THSD7B: variants seen among roughly 807,000 people sequenced by gnomAD.
The protein encoded by THSD7B is thrombospondin type-1 domain-containing protein 7B.
A neutral mutation model predicts 213.6 loss-of-function variants in THSD7B; 138 were observed. The observed-to-expected ratio is 0.65, with a 90% CI of 0.56 to 0.74. The LOEUF is 0.74. Among genes scored for constraint, THSD7B ranks in the 30% least tolerant of loss-of-function variants. The pLI is 0.00. For missense variants in THSD7B, 1,931 were observed against 1,991.5 expected, an observed-to-expected ratio of 0.97 and a Z score of 0.58; for synonymous variants, 742 against 687.0, an observed-to-expected ratio of 1.08 and a Z score of -1.25.
intron 12 of THSD7B, among the ~76,000 whole-genome samples, chr2:137,280,647 C>T (rs1381120816): frequency 2.0e-5 from 3 of 152,126 alleles, no homozygotes; most frequent in African/African-American, 7.2e-5. Context: ...TTGTCTCATA[C>T]TTCAAGGAGA....
chr2:137,170,578 A>G (rs186792004), intron 6 of THSD7B, among the ~76,000 whole-genome samples, 163 bp from the exon 7 acceptor site: 4 of 151,968 alleles, frequency 2.6e-5, no homozygotes, highest in South Asian at 2.1e-4. Flanking sequence ...TTTTTTTTCT[A>G]CATCTCATCC....
rs557504888 is a variant in THSD7B, at chr2:137,086,093, T to C, written c.951-8780T>C. 1.4e-3 allele frequency among the ~76,000 whole-genome samples: 214 copies of C among 152,262 alleles called. 1 individual carries two copies. The highest frequency in any genetic ancestry group is 5.0e-3 in the African/African-American group (209 of 41,550). On this transcript the variant is annotated intron_variant, in intron 3 of 27. Transcript: ENST00000409968. ...TGGGTGCGGTGGCTTATGCCTGTAA[T>C]CCCAGCACTTTGGGAGGCCAAGGTG...
At chr2:137,286,399 A>C (rs747359770) in intron 12 of THSD7B, among the ~76,000 whole-genome samples, 1 of 152,182 alleles carries the variant, frequency 6.6e-6, no homozygotes, top group Non-Finnish European at 1.5e-5. Flanking sequence ...ATTATAGTCT[A>C]TCAAATGTCA....
chr2:137,548,205 T>C (rs1680777998), intron 15 of THSD7B, among the ~76,000 whole-genome samples: 1 of 152,038 alleles, frequency 6.6e-6, no homozygotes, highest in Non-Finnish European at 1.5e-5. Flanking sequence ...CCTTGTCTTT[T>C]TCCTCACAAC....
intron 2 of THSD7B, among the ~76,000 whole-genome samples, chr2:136,946,760 A>C (rs1231087414): frequency 6.6e-6 from 1 of 152,220 alleles, no homozygotes; most frequent in Admixed American, 6.5e-5. Flanking sequence ...AGCAGTGAGC[A>C]AGGCTCCATG....
intron 2 of THSD7B, among the ~76,000 whole-genome samples, chr2:136,928,767 T>C (rs1352720902): frequency 6.6e-6 from 1 of 152,138 alleles, no homozygotes; most frequent in Non-Finnish European, 1.5e-5. Flanking sequence ...AAAATTATAA[T>C]TACAGAGTTT....
intron 5 of THSD7B, among the ~76,000 whole-genome samples, chr2:137,147,730 G>A (rs987494070): frequency 3.3e-5 from 5 of 151,986 alleles, no homozygotes; most frequent in East Asian, 1.9e-4. Flanking sequence ...GATTCACCCC[G>A]TGGGCTAAAA....
intron 5 of THSD7B, among the ~76,000 whole-genome samples, chr2:137,128,572 C>A (rs1041061161): frequency 6.6e-6 from 1 of 152,012 alleles, no homozygotes. Flanking sequence ...TTGATATAAC[C>A]CAATATTTTT....
At chr2:136,795,943 T>C (rs575767632) in intron 1 of THSD7B, among the ~76,000 whole-genome samples, 2 of 151,964 alleles carry the variant, frequency 1.3e-5, no homozygotes, top group Non-Finnish European at 2.9e-5. Flanking sequence ...GGATCATATG[T>C]GAGTCTGCTT....
chr2:137,578,737 A>G (rs1024683024), intron 17 of THSD7B, among the ~76,000 whole-genome samples: 3 of 152,282 alleles, frequency 2.0e-5, no homozygotes, highest in African/African-American at 7.2e-5. Context: ...AGGGGAAATG[A>G]TAGGGACCTA....
At chr2:136,892,564 A>G (rs958586924) in intron 2 of THSD7B, among the ~76,000 whole-genome samples, 4 of 151,840 alleles carry the variant, frequency 2.6e-5, no homozygotes, top group African/African-American at 9.7e-5. Flanking sequence ...TTTAGTCCCC[A>G]GTATTTCACG....
At chr2:137,230,835 T>G (rs1421164287) in intron 7 of THSD7B, among the ~76,000 whole-genome samples, 1 of 152,236 alleles carries the variant, frequency 6.6e-6, no homozygotes, top group Non-Finnish European at 1.5e-5. Context: ...CAACTTTGTC[T>G]CTATGAAAGA....
intron 14 of THSD7B, among the ~76,000 whole-genome samples, chr2:137,416,437 C>G (rs755623867): frequency 6.6e-6 from 1 of 152,126 alleles, no homozygotes; most frequent in African/African-American, 2.4e-5. Context: ...TCCTTTCTTC[C>G]GCTCTTGTGT....
chr2:137,089,222 A>G (rs1687900087), intron 3 of THSD7B, among the ~76,000 whole-genome samples: 1 of 151,086 alleles, frequency 6.6e-6, no homozygotes, highest in Non-Finnish European at 1.5e-5. Context: ...ATGCCCATCC[A>G]TCAATGAGTG....
intron 14 of THSD7B, among the ~76,000 whole-genome samples, chr2:137,443,739 G>A (rs1167884144): frequency 6.6e-6 from 1 of 151,978 alleles, no homozygotes; most frequent in East Asian, 1.9e-4. Flanking sequence ...CCAAAATACA[G>A]TACACCAGTG....
In THSD7B at chr2:137,301,112, C is replaced by A. The variant is rs190739425; in HGVS notation, c.2500+25086C>A. Among the ~76,000 whole-genome samples the A allele has an allele frequency of 1.1e-3, 168 of 152,240 alleles. 1 individual carries two copies. Among genetic ancestry groups the A allele is most frequent in the African/African-American group, 3.8e-3 (158 of 41,564 alleles). On this transcript the variant is annotated intron_variant, in intron 12 of 27. Transcript: ENST00000409968. ...TATAAAAACCTGCCTCCCACTGGCT[C>A]TTTAAAACAAAATCATTCTACCCAG... is the stretch of plus-strand genomic sequence containing the variant.
rs1227822041 is a variant in THSD7B at position 137,612,810 on chromosome 2, G to A, written c.3424-3365G>A. ...TAATCTTACATTTTCCAAGAACAAT[G>A]AGAGAAAGATTGTTTTAACTTCTTC... On this transcript the variant is annotated intron_variant, in intron 17 of 27. Coordinates refer to ENST00000409968, the MANE Select transcript of THSD7B (RefSeq NM_001316349.2). 2.7e-5 allele frequency among the ~76,000 whole-genome samples: 4 copies of A among 150,248 alleles called. No individual in the cohort carries two copies. The East Asian group carries it at 7.7e-4, about 29-fold the overall frequency.
chr2:136,914,311 G>T (rs1684315963), intron 2 of THSD7B, among the ~76,000 whole-genome samples: 1 of 152,214 alleles, frequency 6.6e-6, no homozygotes, highest in Non-Finnish European at 1.5e-5. Flanking sequence ...TGATTTTACA[G>T]GCTCATAGGC....
chr2:137,646,894 CTTTAGA>C (rs1411329692), intron 21 of THSD7B, among the ~76,000 whole-genome samples: 2 of 152,080 alleles, frequency 1.3e-5, no homozygotes, highest in South Asian at 2.1e-4. Context: ...TGCTCAGATT[CTTTAGA>C]TTTAAAGTTG....
Sources: gnomAD v4.1 joint callset for allele counts (sites outside exome capture counted in the v4.1 genomes callset) on GRCh38, gnomAD v4.1.1 for gene constraint, MANE v1.5 for transcripts, NCBI Gene and HGNC (gene_info 2026-07-23, HGNC 2026-07-21) for gene names.